CRY1: variants seen among roughly 807,000 people sequenced by gnomAD.
The protein encoded by CRY1 is cryptochrome circadian regulator 1.
A neutral mutation model predicts 76.0 loss-of-function variants in CRY1; 45 were observed. The ratio of observed to expected loss-of-function variants is 0.59; its 90% confidence interval spans 0.47 to 0.76. CRY1 has a LOEUF of 0.76. Ranked by LOEUF, CRY1 falls within the 30% of genes least tolerant of loss-of-function variation. CRY1 has a pLI of 0.00. For missense variants in CRY1, 587 were observed against 716.4 expected (o/e 0.82, Z 2.06); for synonymous variants, 248 against 244.0 (o/e 1.02, Z -0.15).
At chr12:107,020,458 G>T (rs927516350) in intron 2 of CRY1, among the ~76,000 whole-genome samples, 2 of 152,098 alleles carry the variant, frequency 1.3e-5, no homozygotes, top group Non-Finnish European at 2.9e-5. Context: ...CCTGGTGGGA[G>T]GTGATTGGAT....
intron 1 of CRY1, among the ~76,000 whole-genome samples, chr12:107,071,388 T>C (rs946733759): frequency 6.6e-6 from 1 of 152,180 alleles, no homozygotes; most frequent in Non-Finnish European, 1.5e-5. Flanking sequence ...GACATATTAA[T>C]ATATTTCCAA....
chr12:107,016,454 CAT>C (rs1408427404), intron 2 of CRY1, among the ~76,000 whole-genome samples: 7 of 152,156 alleles, frequency 4.6e-5, no homozygotes, highest in Middle Eastern at 3.2e-3. Flanking sequence ...TTGTAAATCA[CAT>C]ATGTCCTAGG....
intron 1 of CRY1, among the ~76,000 whole-genome samples, chr12:107,022,846 A>T (rs1253563969): frequency 9.6e-6 from 1 of 104,550 alleles, no homozygotes; most frequent in African/African-American, 5.9e-5. Context: ...ATTAACTTCT[A>T]AAAAAAAAAA....
Position 107,042,737 on chromosome 12 carries a change from C to G in CRY1, c.159-20545G>C, listed in dbSNP as rs990491648. 4.6e-5 allele frequency among the ~76,000 whole-genome samples: 7 copies of G among 152,140 alleles called. No individual in the cohort carries two copies. In the South Asian group the frequency reaches 1.5e-3, roughly 32 times the overall value. ...CTGGGGTATATCACAGGAACAGAAA[C>G]CCTGGTGAGTACAGAAACTTAGGAT... On this transcript the variant is annotated intron_variant, in intron 1 of 12. Coordinates refer to ENST00000008527, the MANE Select transcript of CRY1 (RefSeq NM_004075.5).
chr12:107,018,832 T>C (rs140034248), intron 2 of CRY1, among the ~76,000 whole-genome samples: 1 of 152,282 alleles, frequency 6.6e-6, no homozygotes, highest in African/African-American at 2.4e-5. Flanking sequence ...TAGATATATA[T>C]GTGTTTACCT....
intron 1 of CRY1, among the ~76,000 whole-genome samples, chr12:107,025,154 G>C (rs963377022): frequency 1.5e-4 from 23 of 152,340 alleles, no homozygotes; most frequent in East Asian, 1.9e-4. Context: ...CCGTTAGGGA[G>C]TGGGGGTTTG....
intron 2 of CRY1, among the ~76,000 whole-genome samples, chr12:107,013,029 GAAC>G: frequency 6.6e-6 from 1 of 152,272 alleles, no homozygotes. Flanking sequence ...AAGATGCTGT[GAAC>G]ATCATCAAAA....
chr12:107,086,800 T>C (rs1487191806), intron 1 of CRY1, among the ~76,000 whole-genome samples: 1 of 152,184 alleles, frequency 6.6e-6, no homozygotes, highest in Non-Finnish European at 1.5e-5. Flanking sequence ...GCAGAGCTCC[T>C]ACAGAGAGAT....
intron 1 of CRY1, among the ~76,000 whole-genome samples, chr12:107,056,805 A>T (rs1952988582): frequency 6.6e-6 from 1 of 152,298 alleles, no homozygotes; most frequent in South Asian, 2.1e-4. Context: ...TTCAAAGGAG[A>T]AACAGTTTCC....
At chr12:107,013,064 A>G (rs1179735165) in intron 2 of CRY1, among the ~76,000 whole-genome samples, 3 of 152,260 alleles carry the variant, frequency 2.0e-5, no homozygotes, top group Non-Finnish European at 2.9e-5. Flanking sequence ...GATTTAGGTT[A>G]TAACACAAAT....
At chr12:107,037,251 A>C (rs1952744496) in intron 1 of CRY1, among the ~76,000 whole-genome samples, 1 of 152,150 alleles carries the variant, frequency 6.6e-6, no homozygotes, top group Admixed American at 6.5e-5. Flanking sequence ...TCAAATAGTA[A>C]GGGGAAAGAA....
chr12:107,012,719 A>ACCATTCTAGAT, intron 2 of CRY1, among the ~76,000 whole-genome samples: 1 of 152,324 alleles, frequency 6.6e-6, no homozygotes, highest in South Asian at 2.1e-4. Flanking sequence ...GAAAGGATTC[A>ACCATTCTAGAT]CCATTCTAGA....
intron 2 of CRY1, among the ~76,000 whole-genome samples, chr12:107,009,601 T>TATATAA (rs1464424611): frequency 1.6e-4 from 3 of 18,316 alleles, no homozygotes; most frequent in Admixed American, 1.9e-3. Flanking sequence ...TATATATATA[T>TATATAA]AAAATCTCTA....
intron 2 of CRY1, among the ~76,000 whole-genome samples, chr12:107,010,191 T>C (rs1049347754): frequency 6.6e-6 from 1 of 152,218 alleles, no homozygotes; most frequent in Non-Finnish European, 1.5e-5. Flanking sequence ...TTCTTTACTA[T>C]GCTTTTAAAG....
At chr12:107,039,815 T>C (rs2136865328) in intron 1 of CRY1, among the ~76,000 whole-genome samples, 1 of 152,306 alleles carries the variant, frequency 6.6e-6, no homozygotes, top group South Asian at 2.1e-4. Context: ...TCAAGGTTTT[T>C]ATCCAAAAGA....
At position 106,999,984 on chromosome 12, in the gene CRY1, T is replaced by C; in HGVS notation, c.783A>G (p.Ser261=). 14 of 1,612,906 alleles carry C rather than the reference T, an allele frequency of 8.7e-6. No individual in the cohort carries two copies. Among genetic ancestry groups the C allele is most frequent in the Non-Finnish European group, 1.1e-5 (13 of 1,179,780 alleles). ...TTAGTTTGAAGTAAAACAGTCGACA[T>C]GACAAACAACCAAATCGGAGATAAG... ...LSPYLRFGCL[S]CRLFYFKLTD... is the part of the protein sequence containing the mutation. The change falls in exon 6 of 13, where the codon TCA becomes TCG. Residue 261 remains serine (S), a synonymous_variant. Transcript: ENST00000008527.
chr12:106,995,544 T>A (rs1199093536), intron 10 of CRY1, among the ~76,000 whole-genome samples: 2 of 152,238 alleles, frequency 1.3e-5, no homozygotes, highest in African/African-American at 4.8e-5. Context: ...TGACATCTTA[T>A]GAAACTACAG....
At chr12:107,036,750 C>T (rs991137079) in intron 1 of CRY1, among the ~76,000 whole-genome samples, 1 of 152,130 alleles carries the variant, frequency 6.6e-6, no homozygotes, top group Non-Finnish European at 1.5e-5. Flanking sequence ...CAGAAATGCT[C>T]CTACTTCAGT....
At chr12:107,030,434 G>A (rs556539054) in intron 1 of CRY1, among the ~76,000 whole-genome samples, 1 of 152,280 alleles carries the variant, frequency 6.6e-6, no homozygotes, top group African/African-American at 2.4e-5. Flanking sequence ...TACAGAATAT[G>A]TAATAATCTA....
Sources: gnomAD v4.1 joint callset for allele counts (sites outside exome capture counted in the v4.1 genomes callset) on GRCh38, gnomAD v4.1.1 for gene constraint, MANE v1.5 for transcripts, NCBI Gene and HGNC (gene_info 2026-07-23, HGNC 2026-07-21) for gene names.